The following ZRANB3 variants were observed in gnomAD, a reference collection of about 807,000 sequenced individuals.
The protein encoded by ZRANB3 is zinc finger RANBP2-type containing 3, also known as DNA annealing helicase and endonuclease ZRANB3.
ZRANB3 carries 125 observed loss-of-function variants against 133.8 expected under a neutral mutation model. The ratio of observed to expected loss-of-function variants is 0.93; its 90% CI spans 0.81 to 1.08. The LOEUF is 1.08. Among genes scored for constraint, ZRANB3 ranks in the 50% least tolerant of loss-of-function variants. The pLI is 0.00. For missense variants in ZRANB3, 1,229 were observed against 1,275.5 expected (o/e 0.96, Z 0.56); for synonymous variants, 387 against 432.7 (o/e 0.89, Z 1.31).
chr2:135,354,982 G>T (rs1685366629), intron 3 of ZRANB3, among the ~76,000 whole-genome samples: 1 of 151,896 alleles, frequency 6.6e-6, no homozygotes, highest in Admixed American at 6.6e-5. Flanking sequence ...GAGACTAAAA[G>T]ACAGGCCCTG....
chr2:135,457,857 A>G (rs1395795258), intron 2 of ZRANB3, among the ~76,000 whole-genome samples: 1 of 152,084 alleles, frequency 6.6e-6, no homozygotes, highest in Non-Finnish European at 1.5e-5. Context: ...AATTGTTCCT[A>G]GTCTGTGGGT....
At chr2:135,368,584 G>T (rs892511440) in intron 3 of ZRANB3, among the ~76,000 whole-genome samples, 3 of 151,930 alleles carry the variant, frequency 2.0e-5, no homozygotes, top group Admixed American at 2.0e-4. Context: ...AGATAGCTGG[G>T]TGACTGTAGT....
intron 6 of ZRANB3, among the ~76,000 whole-genome samples, chr2:135,338,770 T>C (rs1036563973): frequency 6.6e-6 from 1 of 152,360 alleles, no homozygotes; most frequent in African/African-American, 2.4e-5. Flanking sequence ...AAACACGCAA[T>C]TTCAATTTTG....
At chr2:135,486,667 G>T (rs1692137995) in intron 2 of ZRANB3, among the ~76,000 whole-genome samples, 1 of 152,100 alleles carries the variant, frequency 6.6e-6, no homozygotes, top group African/African-American at 2.4e-5. Flanking sequence ...GTGGTTGCCA[G>T]CATGCCTGGC....
intron 2 of ZRANB3, among the ~76,000 whole-genome samples, chr2:135,442,581 C>T (rs546439631): frequency 6.6e-6 from 1 of 152,258 alleles, no homozygotes; most frequent in South Asian, 2.1e-4. Flanking sequence ...AACAGGAACG[C>T]TTTTACACTG....
At chr2:135,224,548 G>A (rs767925795) in intron 14 of ZRANB3, 31 bp from the exon 15 acceptor site, 2 of 1,528,756 alleles carry the variant, frequency 1.3e-6, no homozygotes, top group Non-Finnish European at 9.0e-7. Context: ...GAACCTGAAG[G>A]CTTATCTACC....
chr2:135,384,325 C>T (rs989036700), intron 3 of ZRANB3, among the ~76,000 whole-genome samples: 11 of 152,196 alleles, frequency 7.2e-5, no homozygotes, highest in African/African-American at 2.7e-4. Flanking sequence ...AGACCAATAA[C>T]AGGCTCTGAA....
At chr2:135,450,271 T>A (rs1029079151) in intron 2 of ZRANB3, among the ~76,000 whole-genome samples, 162 of 121,640 alleles carry the variant, frequency 1.3e-3, no homozygotes, top group Middle Eastern at 4.2e-3. Context: ...TCAAAAAAAA[T>A]AAACAAATAA....
intron 6 of ZRANB3, among the ~76,000 whole-genome samples, chr2:135,332,065 A>G (rs1426115371): frequency 6.6e-6 from 1 of 152,140 alleles, no homozygotes; most frequent in Non-Finnish European, 1.5e-5. Flanking sequence ...CATTACATGT[A>G]AGATAGATAA....
At chr2:135,467,150 A>G (rs1364129728) in intron 2 of ZRANB3, among the ~76,000 whole-genome samples, 1 of 152,106 alleles carries the variant, frequency 6.6e-6, no homozygotes, top group Non-Finnish European at 1.5e-5. Context: ...TTCTCTCCAC[A>G]TCTCCTAGAC....
chr2:135,253,706 T>C lies in ZRANB3; in HGVS notation c.1539+11828A>G, dbSNP rs1466803533. Among the ~76,000 whole-genome samples the C allele has an allele frequency of 3.3e-5, 5 of 152,236 alleles. 1 individual carries two copies. The highest frequency in any genetic ancestry group is 6.5e-5 in the Admixed American group (1 of 15,288). ...GAAAGGGTAATACATTGTGCTACCA[T>C]GTTACTATGGCTACAACCTCACCAG... On this transcript the variant is annotated intron_variant, in intron 12 of 20. Coordinates refer to ENST00000264159, the MANE Select transcript of ZRANB3 (RefSeq NM_032143.4).
chr2:135,311,581 TA>T (rs372719391), intron 8 of ZRANB3, among the ~76,000 whole-genome samples: 15,256 of 139,484 alleles, frequency 0.11, 1,069 homozygotes, highest in Middle Eastern at 0.35. Flanking sequence ...GGTGAAAGAA[TA>T]AAAAAAAAAA....
In ZRANB3 at chr2:135,279,613, G is replaced by C. The variant is rs79912293; in HGVS notation, c.967-3858C>G. On this transcript the variant is annotated intron_variant, in intron 8 of 20. Coordinates refer to ENST00000264159, the MANE Select transcript of ZRANB3 (RefSeq NM_032143.4). ...TATAATTGCTAAACCTCTAGTCTCGGATGGATTCCCCCTCCTCTTCCCAAG... is the reference window on the plus strand; with the variant it reads ...TATAATTGCTAAACCTCTAGTCTCGCATGGATTCCCCCTCCTCTTCCCAAG... 7.1e-3 allele frequency among the ~76,000 whole-genome samples: 1,084 copies of C among 152,198 alleles called. 12 individuals carry two copies. The highest frequency in any genetic ancestry group is 0.024 in the African/African-American group (1,014 of 41,528).
Position 135,201,626 on chromosome 2 carries a change from T to A in ZRANB3, c.3142-1186A>T, listed in dbSNP as rs557243677. On this transcript the variant is annotated intron_variant, in intron 20 of 20. Coordinates refer to ENST00000264159, the MANE Select transcript of ZRANB3 (RefSeq NM_032143.4). The stretch of plus-strand genomic sequence containing the variant: ...CCGAGATCATGCTGAGATCACACCA[T>A]CACACTCCAGCCTGGGTGACAGAGC... Among the ~76,000 whole-genome samples, 12 of 145,482 alleles carry A rather than the reference T, an allele frequency of 8.2e-5. No homozygotes were observed. The South Asian group carries it at 2.6e-3, about 32-fold the overall frequency.
chr2:135,479,663 C>CA (rs566709138), intron 2 of ZRANB3, among the ~76,000 whole-genome samples: 28 of 145,430 alleles, frequency 1.9e-4, no homozygotes, highest in Non-Finnish European at 2.6e-4. Context: ...GAGACTATCT[C>CA]AAAAAAAAAC....
intron 2 of ZRANB3, 103 bp from the exon 3 acceptor site, chr2:135,390,923 C>A: frequency 1.7e-6 from 2 of 1,208,550 alleles, no homozygotes; most frequent in Non-Finnish European, 2.2e-6. Context: ...TGCAGTGGTG[C>A]GATCTCAGCT....
chr2:135,323,021 ATT>A (rs112690803), intron 6 of ZRANB3, among the ~76,000 whole-genome samples: 1 of 147,654 alleles, frequency 6.8e-6, no homozygotes, highest in East Asian at 2.0e-4. Context: ...AAAAAAAAAA[ATT>A]TTTTTTTTTT....
chr2:135,225,505 T>C (rs1471406834), intron 14 of ZRANB3, among the ~76,000 whole-genome samples: 2 of 152,224 alleles, frequency 1.3e-5, no homozygotes, highest in African/African-American at 4.8e-5. Flanking sequence ...TTACAGCCAA[T>C]AACAACAATG....
At position 135,275,630 on chromosome 2, in the gene ZRANB3, A is replaced by G; in HGVS notation, c.1086+6T>C. On this transcript the variant is annotated splice_donor_region_variant and intron_variant, in intron 9 of 20. Transcript: ENST00000264159. ...AAAAGTATTTAGTTAAAAAATGGCAACATACCTTATTTTCGATGACTGCTT... is the reference window on the plus strand; with the variant it reads ...AAAAGTATTTAGTTAAAAAATGGCAGCATACCTTATTTTCGATGACTGCTT... 1 of 1,573,936 alleles carries G rather than the reference A, an allele frequency of 6.4e-7. No individual in the cohort carries two copies. Among genetic ancestry groups the G allele is most frequent in the Non-Finnish European group, 8.6e-7 (1 of 1,160,106 alleles).
Sources: allele counts gnomAD v4.1 joint callset (sites outside exome capture counted in the v4.1 genomes callset), GRCh38; gene constraint gnomAD v4.1.1; transcripts MANE v1.5; gene names NCBI Gene and HGNC (gene_info 2026-07-23, HGNC 2026-07-21).